The following NPFFR2 variants were observed in gnomAD, a reference collection of about 807,000 sequenced individuals.
NPFFR2 encodes G-protein coupled receptor 74.
A neutral mutation model predicts 13.1 loss-of-function variants in NPFFR2; 15 were observed. The observed-to-expected ratio is 1.15, with a 90% confidence interval of 0.77 to 1.76. The LOEUF (loss-of-function observed/expected upper bound fraction) is 1.76. Among genes scored for constraint, NPFFR2 ranks in the 40% most tolerant of loss-of-function variants. The probability of loss-of-function intolerance (pLI) is 0.00; values close to 1 mark genes in which losing one functional copy is unlikely to be tolerated. For missense variants in NPFFR2, 572 were observed against 503.5 expected, an observed-to-expected ratio of 1.14 and a Z score of -1.30; for synonymous variants, 190 against 175.7, an observed-to-expected ratio of 1.08 and a Z score of -0.65.
intron 1 of NPFFR2, among the ~76,000 whole-genome samples, chr4:72,045,690 A>G (rs10937992): frequency 0.88 from 133,840 of 152,130 alleles, 60,236 homozygotes; most frequent in Non-Finnish European, 0.98. Flanking sequence ...CTAATACAAT[A>G]CATATTTTGT....
chr4:72,085,075 C>T, intron 1 of NPFFR2, among the ~76,000 whole-genome samples: 1 of 151,726 alleles, frequency 6.6e-6, no homozygotes, highest in East Asian at 1.9e-4. Flanking sequence ...GTCATTAAGA[C>T]ATTTCATAAA....
At chr4:72,033,251 A>C (rs1319573874) in intron 1 of NPFFR2, among the ~76,000 whole-genome samples, 1 of 152,196 alleles carries the variant, frequency 6.6e-6, no homozygotes, top group African/African-American at 2.4e-5. Flanking sequence ...AATGGCTATA[A>C]TGTGCTCAAA....
intron 3 of NPFFR2, among the ~76,000 whole-genome samples, chr4:72,140,017 C>G (rs573314108): frequency 6.6e-6 from 1 of 152,210 alleles, no homozygotes; most frequent in East Asian, 1.9e-4. Flanking sequence ...CTCTTTGTAG[C>G]AATTGTGAAT....
At chr4:72,123,354 C>T (rs1033101405) in intron 1 of NPFFR2, among the ~76,000 whole-genome samples, 8 of 152,126 alleles carry the variant, frequency 5.3e-5, no homozygotes, top group African/African-American at 7.2e-5. Context: ...GAGCTGGTAC[C>T]GTTACTTCTG....
intron 3 of NPFFR2, among the ~76,000 whole-genome samples, chr4:72,146,245 G>A (rs1362808953): frequency 6.6e-6 from 1 of 152,082 alleles, no homozygotes; most frequent in Non-Finnish European, 1.5e-5. Context: ...GAGCTAAACT[G>A]GGGCTGGAAC....
chr4:72,086,625 A>C (rs566017605), intron 1 of NPFFR2, among the ~76,000 whole-genome samples: 3 of 152,150 alleles, frequency 2.0e-5, no homozygotes, highest in Admixed American at 6.6e-5. Flanking sequence ...ATTTTTAACT[A>C]GTTAACAGAG....
In NPFFR2 at chr4:72,128,799, G is replaced by A. The variant is rs1470759990; in HGVS notation, c.208G>A (p.Val70Ile). The A allele has an allele frequency of 1.9e-6, 3 of 1,614,024 alleles. No homozygotes were observed. The highest frequency in any genetic ancestry group is 8.5e-7 in the Non-Finnish European group (1 of 1,179,948). Reference sequence around the variant, plus strand: ...GGGAAATACTGTGGTTTGCTTTATTGTAATGAGGAACAAACATATGCACAC... The same window carrying A: ...GGGAAATACTGTGGTTTGCTTTATTATAATGAGGAACAAACATATGCACAC... ...MMGNTVVCFI[V>I]MRNKHMHTVT... Residue 70 changes from valine (V) to isoleucine (I), a missense_variant, in exon 2 of 4, where the codon GTA (valine) becomes ATA (isoleucine). Coordinates refer to ENST00000308744, the MANE Select transcript of NPFFR2 (RefSeq NM_004885.3).
chr4:72,046,141 A>G (rs993270910), intron 1 of NPFFR2, among the ~76,000 whole-genome samples: 16 of 152,182 alleles, frequency 1.1e-4, no homozygotes, highest in African/African-American at 3.6e-4. Context: ...AAGACTGGAT[A>G]GATTTGAGTC....
intron 1 of NPFFR2, among the ~76,000 whole-genome samples, chr4:72,127,351 A>AT (rs1560419389): frequency 8.1e-6 from 1 of 123,386 alleles, no homozygotes; most frequent in African/African-American, 3.4e-5. Flanking sequence ...ATTCTAAATA[A>AT]TTTCTTTTCT....
chr4:72,142,418 C>T (rs2109848153), intron 3 of NPFFR2, among the ~76,000 whole-genome samples: 1 of 152,262 alleles, frequency 6.6e-6, no homozygotes, highest in East Asian at 1.9e-4. Context: ...TGCTTTGGCT[C>T]ACCCTCCGTG....
chr4:72,072,986 A>T (rs1414880465), intron 1 of NPFFR2, among the ~76,000 whole-genome samples: 2 of 152,180 alleles, frequency 1.3e-5, no homozygotes, highest in Non-Finnish European at 2.9e-5. Flanking sequence ...TTTTAATGTA[A>T]ATGAATTAAA....
At chr4:72,099,142 C>T (rs534005516) in intron 1 of NPFFR2, among the ~76,000 whole-genome samples, 1 of 152,268 alleles carries the variant, frequency 6.6e-6, no homozygotes, top group Admixed American at 6.5e-5. Context: ...CATTAAATTA[C>T]AAGTATAAAA....
intron 3 of NPFFR2, among the ~76,000 whole-genome samples, chr4:72,146,202 A>G (rs1489386679): frequency 2.6e-5 from 4 of 152,176 alleles, no homozygotes; most frequent in African/African-American, 9.6e-5. Flanking sequence ...ATGTGTTATA[A>G]CTGGAATCAC....
chr4:72,039,358 A>C, intron 1 of NPFFR2: 1 of 984,064 alleles, frequency 1.0e-6, no homozygotes, highest in Non-Finnish European at 1.2e-6. Context: ...GCGCCCGGCC[A>C]ATTTCCTTTC....
chr4:72,102,774 T>A (rs958402915), intron 1 of NPFFR2, among the ~76,000 whole-genome samples: 2 of 152,096 alleles, frequency 1.3e-5, no homozygotes, highest in African/African-American at 4.8e-5. Context: ...TCTATCATTG[T>A]TGGACATTTG....
intron 1 of NPFFR2, among the ~76,000 whole-genome samples, chr4:72,100,552 A>G (rs909261946): frequency 2.0e-5 from 3 of 151,368 alleles, no homozygotes; most frequent in East Asian, 1.9e-4. Flanking sequence ...ATATTCTTAT[A>G]CTACTACTAC....
At chr4:72,141,774 G>T (rs543820649) in intron 3 of NPFFR2, among the ~76,000 whole-genome samples, 1 of 152,092 alleles carries the variant, frequency 6.6e-6, no homozygotes, top group African/African-American at 2.4e-5. Flanking sequence ...CATCTATTAG[G>T]TCCACTTGTT....
rs1490468942 is a variant in NPFFR2, at chr4:72,142,201, G to C, written c.428+4062G>C. Among the ~76,000 whole-genome samples, 5 of 152,218 alleles carry C rather than the reference G, an allele frequency of 3.3e-5. No homozygotes were observed. In the East Asian group the frequency reaches 9.7e-4, roughly 29 times the overall value. ...TGAATACGGCACAGTGATGGGTCTTGACTCTATCCAATTTGCCAGTCTGTG... is the reference window on the plus strand; with the variant it reads ...TGAATACGGCACAGTGATGGGTCTTCACTCTATCCAATTTGCCAGTCTGTG... On this transcript the variant is annotated intron_variant, in intron 3 of 3. Transcript: ENST00000308744.
intron 1 of NPFFR2, among the ~76,000 whole-genome samples, chr4:72,103,999 A>G (rs1451995899): frequency 6.6e-6 from 1 of 152,112 alleles, no homozygotes; most frequent in Non-Finnish European, 1.5e-5. Flanking sequence ...TTTGAAGATT[A>G]GCATTCTTGG....
Sources: gnomAD v4.1 joint callset for allele counts (sites outside exome capture counted in the v4.1 genomes callset) on GRCh38, gnomAD v4.1.1 for gene constraint, MANE v1.5 for transcripts, NCBI Gene and HGNC (gene_info 2026-07-23, HGNC 2026-07-21) for gene names.